The following DISC1 variants were observed in gnomAD, a reference collection of about 807,000 sequenced individuals.
DISC1 encodes the protein DISC1 scaffold protein, also known as disrupted in schizophrenia 1 protein.
DISC1 carries 57 observed loss-of-function variants against 84.5 expected under a neutral mutation model. The ratio of observed to expected loss-of-function variants is 0.67; its 90% CI spans 0.55 to 0.84. The LOEUF is 0.84. Ranked by LOEUF, DISC1 falls within the 40% of genes least tolerant of loss-of-function variation. The probability of loss-of-function intolerance (pLI) is 0.00; values close to 1 mark genes in which losing one functional copy is unlikely to be tolerated. For missense variants in DISC1, 1,000 were observed against 1,057.8 expected (o/e 0.95, Z 0.76); for synonymous variants, 411 against 415.2 (o/e 0.99, Z 0.12).
intron 9 of DISC1, among the ~76,000 whole-genome samples, chr1:231,943,464 T>C (rs750982119): frequency 6.6e-5 from 10 of 152,214 alleles, no homozygotes; most frequent in Non-Finnish European, 1.5e-4. Flanking sequence ...TGTCCCTAGT[T>C]ATCTGATGCC....
intron 4 of DISC1, chr1:231,750,537 C>T (rs2074499398): frequency 1.0e-6 from 1 of 991,322 alleles, no homozygotes; most frequent in African/African-American, 1.7e-5. Context: ...CAAGGCTCTT[C>T]TGAGATTAGT....
Position 231,907,131 on chromosome 1 carries a change from C to CTT in DISC1, c.1982-51696_1982-51695insTT, listed in dbSNP as rs1334782802. On this transcript the variant is annotated intron_variant, in intron 9 of 12. Coordinates refer to ENST00000439617, the MANE Select transcript of DISC1 (RefSeq NM_018662.3). ...CTCTCCTTCCTTCCTTCCTTCCTTCCTCTTTCTTTCTTTCTTTCTTTCTTT... is the reference window on the plus strand; with the variant it reads ...CTCTCCTTCCTTCCTTCCTTCCTTCCTTTCTTTCTTTCTTTCTTTCTTTCTTT... Among the ~76,000 whole-genome samples the CTT allele has an allele frequency of 2.3e-3, 215 of 93,196 alleles. 4 individuals carry two copies. Among genetic ancestry groups the CTT allele is most frequent in the African/African-American group, 9.4e-3 (195 of 20,838 alleles). The allele number at this position is 93,196 out of a possible 152,430, so 61.1% of individuals were successfully genotyped here.
chr1:232,022,473 A>T (rs1669048185), intron 11 of DISC1, among the ~76,000 whole-genome samples: 1 of 151,996 alleles, frequency 6.6e-6, no homozygotes. Context: ...ACACCCAGCT[A>T]ATTTTTGTAT....
At chr1:231,841,700 T>A (rs2083081464) in intron 9 of DISC1, among the ~76,000 whole-genome samples, 2 of 152,198 alleles carry the variant, frequency 1.3e-5, no homozygotes, top group Admixed American at 1.3e-4. Context: ...AAAATCTTAT[T>A]CAGTTTTTGT....
chr1:231,729,994 T>TA (rs1031275693), intron 3 of DISC1, among the ~76,000 whole-genome samples: 24 of 152,160 alleles, frequency 1.6e-4, no homozygotes, highest in African/African-American at 5.3e-4. Flanking sequence ...AAATATTCTA[T>TA]AAAAAAACAA....
intron 4 of DISC1, among the ~76,000 whole-genome samples, chr1:231,752,734 G>C (rs550856397): frequency 4.6e-5 from 7 of 152,278 alleles, no homozygotes; most frequent in Admixed American, 1.3e-4. Flanking sequence ...CTGAGACAAG[G>C]CTAGTCCCTT....
intron 6 of DISC1, among the ~76,000 whole-genome samples, chr1:231,777,104 T>G (rs2077017993): frequency 6.6e-6 from 1 of 152,214 alleles, no homozygotes; most frequent in South Asian, 2.1e-4. Context: ...TCTACCTGAC[T>G]GGTTTGCCAA....
intron 9 of DISC1, among the ~76,000 whole-genome samples, chr1:231,932,927 G>T (rs1490664065): frequency 6.6e-6 from 1 of 152,130 alleles, no homozygotes; most frequent in Non-Finnish European, 1.5e-5. Flanking sequence ...TAGTTGTGAA[G>T]TTACTTTCAA....
At chr1:232,016,281 C>G (rs950201160) in intron 11 of DISC1, among the ~76,000 whole-genome samples, 3 of 152,162 alleles carry the variant, frequency 2.0e-5, no homozygotes, top group African/African-American at 7.2e-5. Flanking sequence ...TTTCCCTTTA[C>G]AGTTCAATAT....
chr1:231,634,943 C>A (rs2059070815), intron 1 of DISC1, among the ~76,000 whole-genome samples: 1 of 151,968 alleles, frequency 6.6e-6, no homozygotes, highest in East Asian at 1.9e-4. Flanking sequence ...GAAAAAACTC[C>A]CCCAAAACCA....
At position 232,040,045 on chromosome 1, in the gene DISC1, G is replaced by A. The variant is rs2103077747; in HGVS notation, c.*3214G>A. The A allele has an allele frequency of 1.3e-5, 2 of 151,978 alleles. No homozygotes were observed. The highest frequency in any genetic ancestry group is 6.8e-3 in the Middle Eastern group (2 of 294). The allele number at this position is 151,978 out of a possible 1,614,324, so 9.4% of individuals were successfully genotyped here. Reference sequence around the variant, plus strand: ...TCTCTGTCACCCAAGTTGGAGTGCAGTGGCCCCGCAATCTCGGCTCACTGC... The same window carrying A: ...TCTCTGTCACCCAAGTTGGAGTGCAATGGCCCCGCAATCTCGGCTCACTGC... On this transcript the variant is annotated 3_prime_UTR_variant, in exon 13 of 13. Coordinates refer to ENST00000439617, the MANE Select transcript of DISC1 (RefSeq NM_018662.3).
At chr1:231,823,046 G>A (rs2081610835) in intron 9 of DISC1, among the ~76,000 whole-genome samples, 1 of 152,160 alleles carries the variant, frequency 6.6e-6, no homozygotes, top group African/African-American at 2.4e-5. Context: ...TCAAAGAAAA[G>A]AAACTATAGC....
chr1:231,805,894 G>A (rs1227108741), intron 8 of DISC1, among the ~76,000 whole-genome samples: 1 of 152,230 alleles, frequency 6.6e-6, no homozygotes, highest in East Asian at 1.9e-4. Flanking sequence ...TTGAGTGCAG[G>A]GGCCATACAG....
At chr1:231,796,088 G>A (rs907731109) in intron 7 of DISC1, among the ~76,000 whole-genome samples, 9 of 152,136 alleles carry the variant, frequency 5.9e-5, no homozygotes, top group African/African-American at 2.2e-4. Flanking sequence ...ACCTTGGTTT[G>A]TGTACAGACA....
At chr1:231,741,169 A>T (rs1216989929) in intron 3 of DISC1, among the ~76,000 whole-genome samples, 1 of 152,206 alleles carries the variant, frequency 6.6e-6, no homozygotes, top group African/African-American at 2.4e-5. Context: ...TGGGGACAGT[A>T]GAAATGGAGA....
chr1:231,991,583 C>T (rs1369368378), intron 10 of DISC1, among the ~76,000 whole-genome samples: 1 of 152,172 alleles, frequency 6.6e-6, no homozygotes, highest in Non-Finnish European at 1.5e-5. Context: ...GCCCCACAAA[C>T]CATCACAGGG....
intron 9 of DISC1, among the ~76,000 whole-genome samples, chr1:231,887,247 G>C (rs2086839368): frequency 6.6e-6 from 1 of 152,144 alleles, no homozygotes. Flanking sequence ...GTTCCTTCTT[G>C]AAGCAACTCT....
chr1:231,952,600 G>A (rs1298673756), intron 9 of DISC1, among the ~76,000 whole-genome samples: 1 of 151,170 alleles, frequency 6.6e-6, no homozygotes, highest in Non-Finnish European at 1.5e-5. Context: ...AAGAGCCAAT[G>A]TAGATATATG....
chr1:231,874,851 C>T (rs1264504538), intron 9 of DISC1, among the ~76,000 whole-genome samples: 1 of 147,278 alleles, frequency 6.8e-6, no homozygotes, highest in East Asian at 2.0e-4. Context: ...GCGGAGCTTG[C>T]AGTGAGCCGA....
Sources: allele counts gnomAD v4.1 joint callset (sites outside exome capture counted in the v4.1 genomes callset), GRCh38; gene constraint gnomAD v4.1.1; transcripts MANE v1.5; gene names NCBI Gene and HGNC (gene_info 2026-07-23, HGNC 2026-07-21).